The following KSR2 variants were observed in gnomAD, a reference collection of about 807,000 sequenced individuals.
The protein encoded by KSR2 is kinase suppressor of ras 2.
Under a neutral mutation model 107.8 loss-of-function variants are expected in KSR2, and 25 were observed. That is an observed-to-expected ratio of 0.23 (90% confidence interval 0.17 to 0.32). The LOEUF is 0.32. KSR2 is among the 10% of genes least tolerant of loss of function. The pLI, the probability that KSR2 is intolerant of heterozygous loss-of-function variation, is 1.00. For missense variants in KSR2, 887 were observed against 1,268.9 expected (o/e 0.70, Z 4.57); for synonymous variants, 480 against 507.0 (o/e 0.95, Z 0.71).
chr12:117,767,267 A>G (rs1308706430), intron 3 of KSR2, among the ~76,000 whole-genome samples: 2 of 150,738 alleles, frequency 1.3e-5, no homozygotes, highest in Non-Finnish European at 3.0e-5. Flanking sequence ...CAAAAAAAAA[A>G]AAAAAAAAAT....
At chr12:117,467,243 C>A in intron 19 of KSR2, 38 bp from the exon 20 acceptor site, 1 of 714,498 alleles carries the variant, frequency 1.4e-6, no homozygotes. Context: ...GGTGAGAGGT[C>A]ACAAGGACAT....
intron 14 of KSR2, among the ~76,000 whole-genome samples, chr12:117,497,875 T>G (rs985944001): frequency 1.3e-5 from 2 of 152,210 alleles, no homozygotes; most frequent in Non-Finnish European, 2.9e-5. Flanking sequence ...ATCTTGCCAC[T>G]TCTGTCTTTT....
In KSR2 at chr12:117,937,594, T is replaced by C. The variant is rs531104265; in HGVS notation, c.180+30482A>G. Among the ~76,000 whole-genome samples the C allele has an allele frequency of 2.4e-3, 369 of 152,146 alleles. 3 individuals are homozygous for C. Among genetic ancestry groups the C allele is most frequent in the African/African-American group, 8.5e-3 (352 of 41,524 alleles). On this transcript the variant is annotated intron_variant, in intron 1 of 19. Coordinates refer to ENST00000339824, the MANE Select transcript of KSR2 (RefSeq NM_173598.6). ...GCCTTATTTTCCTATAATAAGGAGA[T>C]GAGGCAGGAAGGAGACGCAAAGGAA...
intron 5 of KSR2, among the ~76,000 whole-genome samples, chr12:117,596,447 C>G (rs1880650189): frequency 6.6e-6 from 1 of 152,228 alleles, no homozygotes; most frequent in East Asian, 1.9e-4. Flanking sequence ...CTCTGACAAC[C>G]AATGGGTAGT....
At chr12:117,766,371 C>T (rs1188876366) in intron 3 of KSR2, among the ~76,000 whole-genome samples, 5 of 152,044 alleles carry the variant, frequency 3.3e-5, no homozygotes, top group African/African-American at 7.2e-5. Context: ...AGAGCAGATT[C>T]GTGGTTGCCA....
At chr12:117,495,464 G>A (rs1283362907) in intron 14 of KSR2, among the ~76,000 whole-genome samples, 1 of 152,196 alleles carries the variant, frequency 6.6e-6, no homozygotes, top group Non-Finnish European at 1.5e-5. Context: ...TTAACTCAAC[G>A]TGTGTCCAGG....
chr12:117,893,970 C>A (rs1244345271), intron 1 of KSR2, among the ~76,000 whole-genome samples: 1 of 144,792 alleles, frequency 6.9e-6, no homozygotes, highest in Non-Finnish European at 1.5e-5. Flanking sequence ...AATGCAGTGG[C>A]GCGATCTCGG....
chr12:117,731,662 A>G (rs1017381965), intron 4 of KSR2, among the ~76,000 whole-genome samples: 9 of 152,252 alleles, frequency 5.9e-5, no homozygotes, highest in Non-Finnish European at 1.0e-4. Context: ...AGAGGTAGAC[A>G]TGGGAGACTC....
intron 3 of KSR2, among the ~76,000 whole-genome samples, chr12:117,836,257 A>G (rs879936766): frequency 1.3e-5 from 2 of 152,142 alleles, no homozygotes; most frequent in Non-Finnish European, 2.9e-5. Context: ...GGTACCCATC[A>G]TGGAGTGGAC....
chr12:117,947,529 T>G (rs1031481295), intron 1 of KSR2, among the ~76,000 whole-genome samples: 3 of 151,912 alleles, frequency 2.0e-5, no homozygotes, highest in Non-Finnish European at 4.4e-5. Flanking sequence ...CATCCAACAT[T>G]GTAATGGAAA....
intron 4 of KSR2, among the ~76,000 whole-genome samples, chr12:117,723,116 C>T (rs1887278405): frequency 6.6e-6 from 1 of 152,076 alleles, no homozygotes; most frequent in Non-Finnish European, 1.5e-5. Context: ...GAAGGCAGGC[C>T]AGAGGAATCC....
At chr12:117,880,784 C>T (rs1328953528) in intron 1 of KSR2, among the ~76,000 whole-genome samples, 1 of 150,328 alleles carries the variant, frequency 6.7e-6, no homozygotes, top group African/African-American at 2.4e-5. Flanking sequence ...TCTCCCACCT[C>T]AGCCTCCCAA....
At chr12:117,895,993 A>T (rs898532806) in intron 1 of KSR2, among the ~76,000 whole-genome samples, 14 of 152,236 alleles carry the variant, frequency 9.2e-5, no homozygotes, top group African/African-American at 3.4e-4. Context: ...CAGAGGGCAG[A>T]GGTTGCAATG....
chr12:117,715,058 A>G (rs1358344798), intron 4 of KSR2, among the ~76,000 whole-genome samples: 1 of 152,024 alleles, frequency 6.6e-6, no homozygotes, highest in Non-Finnish European at 1.5e-5. Flanking sequence ...TATTTTGGGG[A>G]TTCTTGCTTT....
chr12:117,940,184 A>G (rs1895968489), intron 1 of KSR2, among the ~76,000 whole-genome samples: 1 of 152,162 alleles, frequency 6.6e-6, no homozygotes, highest in African/African-American at 2.4e-5. Context: ...TCTGGCCTCA[A>G]GGTAACTTCA....
intron 4 of KSR2, among the ~76,000 whole-genome samples, chr12:117,696,089 A>G (rs1244494219): frequency 6.6e-6 from 1 of 152,188 alleles, no homozygotes; most frequent in Non-Finnish European, 1.5e-5. Flanking sequence ...CAATTTAATT[A>G]GAGGTTCAGG....
At chr12:117,741,170 T>A (rs1461223528) in intron 4 of KSR2, among the ~76,000 whole-genome samples, 1 of 152,042 alleles carries the variant, frequency 6.6e-6, no homozygotes, top group Admixed American at 6.6e-5. Context: ...TAAATAGCGA[T>A]AGTAAAGGAG....
At chr12:117,590,244 T>C (rs1429539324) in intron 5 of KSR2, among the ~76,000 whole-genome samples, 1 of 152,224 alleles carries the variant, frequency 6.6e-6, no homozygotes, top group Non-Finnish European at 1.5e-5. Flanking sequence ...AGACAAGACC[T>C]TGAGTGTGGA....
intron 1 of KSR2, among the ~76,000 whole-genome samples, chr12:117,866,452 C>A (rs1190507910): frequency 9.9e-5 from 15 of 152,214 alleles, no homozygotes; most frequent in Admixed American, 9.2e-4. Context: ...TTCTTCATTG[C>A]CTTCCATTTA....
Sources: gnomAD v4.1 joint callset for allele counts (sites outside exome capture counted in the v4.1 genomes callset) on GRCh38, gnomAD v4.1.1 for gene constraint, MANE v1.5 for transcripts, NCBI Gene and HGNC (gene_info 2026-07-23, HGNC 2026-07-21) for gene names.